CHEK2: variants seen among roughly 807,000 people sequenced by gnomAD.
CHEK2 encodes checkpoint kinase 2.
In CHEK2, 71 loss-of-function variants were observed where a neutral mutation model predicts 69.1. The observed-to-expected ratio is 1.03, with a 90% confidence interval of 0.85 to 1.25. CHEK2 has a LOEUF of 1.25. Ranked by LOEUF, CHEK2 falls within the 50% of genes most tolerant of loss-of-function variation. CHEK2 has a pLI of 0.00. For synonymous variants in CHEK2, 189 were observed against 226.9 expected (o/e 0.83, Z 1.50); for missense variants, 664 against 649.6 (o/e 1.02, Z -0.24).
intron 1 of CHEK2, among the ~76,000 whole-genome samples, chr22:28,739,114 C>T (rs1395327291): frequency 6.6e-6 from 1 of 151,584 alleles, no homozygotes; most frequent in Non-Finnish European, 1.5e-5. Flanking sequence ...ACTAAAAATA[C>T]AAAAAATTAG....
At chr22:28,691,458 A>G (rs12169269) in intron 13 of CHEK2, among the ~76,000 whole-genome samples, 19,072 of 151,574 alleles carry the variant, frequency 0.13, 417 homozygotes, top group African/African-American at 0.18. Flanking sequence ...AGCCTGGTAG[A>G]CAAAAGCAAG....
At chr22:28,718,527 C>T (rs1001157190) in intron 5 of CHEK2, among the ~76,000 whole-genome samples, 3 of 152,054 alleles carry the variant, frequency 2.0e-5, no homozygotes, top group Non-Finnish European at 4.4e-5. Flanking sequence ...GGGAAGCAAC[C>T]AAAGTGTCCA....
At chr22:28,718,225 G>T (rs913305123) in intron 5 of CHEK2, among the ~76,000 whole-genome samples, 1 of 152,236 alleles carries the variant, frequency 6.6e-6, no homozygotes, top group African/African-American at 2.4e-5. Context: ...AAACCACAAT[G>T]ACATCACCTG....
intron 1 of CHEK2, among the ~76,000 whole-genome samples, chr22:28,741,148 CAAAAA>C (rs71194792): frequency 7.8e-5 from 4 of 51,160 alleles, no homozygotes; most frequent in South Asian, 8.7e-4. Flanking sequence ...GACTCCGTCT[CAAAAA>C]AAAAAAAAAA....
chr22:28,733,170 G>A (rs1049697320), intron 2 of CHEK2, among the ~76,000 whole-genome samples: 2 of 152,172 alleles, frequency 1.3e-5, no homozygotes, highest in African/African-American at 4.8e-5. Context: ...GTCAGAAAGG[G>A]TCAACATGTT....
At chr22:28,697,733 A>G (rs944965210) in intron 9 of CHEK2, among the ~76,000 whole-genome samples, 1 of 151,948 alleles carries the variant, frequency 6.6e-6, no homozygotes, top group African/African-American at 2.4e-5. Context: ...TGCCACTTCA[A>G]CCAGCTAACT....
chr22:28,723,057 C>T lies in CHEK2; in HGVS notation c.592+1920G>A, dbSNP rs540437380. ...AAATTGTATTCCTCCTGTCTAATCACGCTGAGCTACTTTTAACTCTATTGG... is the reference window on the plus strand; with the variant it reads ...AAATTGTATTCCTCCTGTCTAATCATGCTGAGCTACTTTTAACTCTATTGG... On this transcript the variant is annotated intron_variant, in intron 4 of 14. Coordinates refer to ENST00000404276, the MANE Select transcript of CHEK2 (RefSeq NM_007194.4). 5.3e-5 allele frequency among the ~76,000 whole-genome samples: 8 copies of T among 152,276 alleles called. No individual in the cohort carries two copies. The South Asian group carries it at 1.7e-3, about 32-fold the overall frequency.
At chr22:28,733,740 G>A (rs189185116) in intron 2 of CHEK2, among the ~76,000 whole-genome samples, 23 of 152,106 alleles carry the variant, frequency 1.5e-4, no homozygotes, top group African/African-American at 4.8e-4. Context: ...CCAACGTGGT[G>A]AAACCCCGTC....
At chr22:28,725,831 C>T (rs2146076727) in intron 2 of CHEK2, among the ~76,000 whole-genome samples, 1 of 152,030 alleles carries the variant, frequency 6.6e-6, no homozygotes, top group Non-Finnish European at 1.5e-5. Flanking sequence ...ATCGCTTGAG[C>T]CCAGGAGGTC....
rs769729382 is a variant in CHEK2 at position 28,695,127 on chromosome 22, C to G, written c.1375G>C (p.Ala459Pro). 1.3e-6 allele frequency: 2 copies of G among 1,593,580 alleles called. No individual in the cohort carries two copies. The highest frequency in any genetic ancestry group is 1.7e-5 in the Admixed American group (1 of 59,956). Residue 459 changes from alanine (A) to proline (P), a missense_variant and splice_region_variant, in exon 12 of 15, where the codon GCT becomes CCT. By Grantham distance (27) the Ala-to-Pro change is conservative. Transcript: ENST00000404276. ...ATTCTTAACCCTTTCATATTCATACCTTTCTCTGAGACTTCTGCCCAGACT... is the reference window on the plus strand; with the variant it reads ...ATTCTTAACCCTTTCATATTCATACGTTTCTCTGAGACTTCTGCCCAGACT... ...PEVWAEVSEK[A>P]LDLVKKLLVV...
intron 13 of CHEK2, among the ~76,000 whole-genome samples, chr22:28,693,583 G>A (rs1018965979): frequency 2.0e-5 from 3 of 152,132 alleles, no homozygotes; most frequent in Admixed American, 1.3e-4. Context: ...CAGGAGACTC[G>A]GGGCAGCCAA....
Position 28,695,360 on chromosome 22 carries a change from T to G in CHEK2, c.1260-118A>C, listed in dbSNP as rs962936394. 14 of 719,990 alleles carry G rather than the reference T, an allele frequency of 1.9e-5. No homozygotes were observed. The Admixed American group carries it at 3.0e-4, about 15-fold the overall frequency. The allele number at this position is 719,990 out of a possible 1,614,324, so 44.6% of individuals were successfully genotyped here. A position where few individuals can be genotyped will look rare whatever the true frequency, so the allele number is the denominator to read the frequency against. On this transcript the variant is annotated intron_variant, in intron 11 of 14. Coordinates refer to ENST00000404276, the MANE Select transcript of CHEK2 (RefSeq NM_007194.4). ...GTCAGATTTTTCTTTAAATCAATGG[T>G]CAAAAAGTGAGCTAGGCTGGGCACA...
intron 10 of CHEK2, among the ~76,000 whole-genome samples, chr22:28,696,231 G>A (rs1433775007): frequency 6.6e-6 from 1 of 152,112 alleles, no homozygotes; most frequent in African/African-American, 2.4e-5. Flanking sequence ...GGAATACCTG[G>A]GGAGCTTGGA....
At chr22:28,690,219 T>C (rs927143407) in intron 13 of CHEK2, among the ~76,000 whole-genome samples, 2 of 152,210 alleles carry the variant, frequency 1.3e-5, no homozygotes, top group African/African-American at 4.8e-5. Flanking sequence ...AGGTTGGGCA[T>C]GGTGGCTCAT....
intron 7 of CHEK2, among the ~76,000 whole-genome samples, chr22:28,709,213 A>C (rs544116023): frequency 1.8e-4 from 28 of 152,210 alleles, no homozygotes; most frequent in Non-Finnish European, 3.1e-4. Context: ...TTGCACAAAA[A>C]GATAAGAACT....
At chr22:28,698,137 T>C (rs897166231) in intron 9 of CHEK2, among the ~76,000 whole-genome samples, 16 of 149,600 alleles carry the variant, frequency 1.1e-4, no homozygotes, top group African/African-American at 3.9e-4. Flanking sequence ...ATGCCTGTAA[T>C]CCTAGCACTT....
intron 9 of CHEK2, among the ~76,000 whole-genome samples, chr22:28,698,840 A>C (rs17415919): frequency 0.28 from 41,973 of 151,988 alleles, 7,293 homozygotes; most frequent in Middle Eastern, 0.42. Flanking sequence ...ATGGGGGACC[A>C]ACCCATCTGT....
chr22:28,720,072 G>A (rs914189048), intron 4 of CHEK2, among the ~76,000 whole-genome samples: 9 of 150,124 alleles, frequency 6.0e-5, no homozygotes, highest in African/African-American at 2.2e-4. Context: ...CATTATTTGG[G>A]CTGTATCTTA....
chr22:28,698,730 A>G (rs1244310582), intron 9 of CHEK2, among the ~76,000 whole-genome samples: 1 of 152,126 alleles, frequency 6.6e-6, no homozygotes, highest in East Asian at 1.9e-4. Context: ...TCTTTCATCT[A>G]ACACCTACTG....
Sources: allele counts gnomAD v4.1 joint callset (sites outside exome capture counted in the v4.1 genomes callset), GRCh38; gene constraint gnomAD v4.1.1; transcripts MANE v1.5; gene names NCBI Gene and HGNC (gene_info 2026-07-23, HGNC 2026-07-21).